PTPRN2: variants seen among roughly 807,000 people sequenced by gnomAD.
PTPRN2 encodes protein tyrosine phosphatase receptor type N2.
A neutral mutation model predicts 118.8 loss-of-function variants in PTPRN2; 74 were observed. The ratio of observed to expected loss-of-function variants is 0.62; its 90% CI spans 0.52 to 0.76. The LOEUF is 0.76. PTPRN2 is among the 30% of genes least tolerant of loss of function. The pLI is 0.00. For synonymous variants in PTPRN2, 641 were observed against 608.0 expected, an observed-to-expected ratio of 1.05 and a Z score of -0.80; for missense variants, 1,481 against 1,394.4, an observed-to-expected ratio of 1.06 and a Z score of -0.99.
rs1800343015 is a variant in PTPRN2 at position 157,944,431 on chromosome 7, T to C, written c.1724-45694A>G. Among the ~76,000 whole-genome samples the C allele has an allele frequency of 6.6e-6, 1 of 152,158 alleles. No individual in the cohort carries two copies. Among genetic ancestry groups the C allele is most frequent in the Admixed American group, 6.5e-5 (1 of 15,274 alleles). On this transcript the variant is annotated intron_variant, in intron 11 of 22. Transcript: ENST00000389418. This position sits in a 1 kb window ranked among gnomAD's most constrained non-coding sequence, Gnocchi z 4.3. ...GAATTAATGTGTTAAGTGGCACAAA[T>C]ATGTGTTTATCGAGAGAAACCTAAG...
At chr7:158,313,693 G>A (rs1272277748) in intron 3 of PTPRN2, among the ~76,000 whole-genome samples, 2 of 152,220 alleles carry the variant, frequency 1.3e-5, no homozygotes, top group African/African-American at 4.8e-5. Context: ...CAGGAATGTG[G>A]ACATAGCCTG....
At chr7:158,585,970 C>A (rs1016170945) in intron 1 of PTPRN2, among the ~76,000 whole-genome samples, 10 of 152,224 alleles carry the variant, frequency 6.6e-5, no homozygotes, top group African/African-American at 2.4e-4. Context: ...TGATAGGGGG[C>A]AAGGCACCAG....
At chr7:157,540,851 C>T (rs374842867) in intron 22 of PTPRN2, 66 bp from the exon 23 acceptor site, 21 of 1,308,820 alleles carry the variant, frequency 1.6e-5, no homozygotes, top group South Asian at 3.8e-5. Flanking sequence ...GCCACAGCGT[C>T]GGCTCCCTGC....
At chr7:158,134,501 G>A (rs6960916) in intron 8 of PTPRN2, among the ~76,000 whole-genome samples, 50,230 of 151,942 alleles carry the variant, frequency 0.33, 8,509 homozygotes, top group East Asian at 0.5. Flanking sequence ...GCACACAAAG[G>A]CACTGTACTA....
At chr7:158,465,573 G>A (rs995145622) in intron 2 of PTPRN2, among the ~76,000 whole-genome samples, 24 of 152,144 alleles carry the variant, frequency 1.6e-4, no homozygotes, top group African/African-American at 3.6e-4. Context: ...CTACAAAGAA[G>A]GCATTATTGC....
chr7:158,214,307 G>T (rs890279775), intron 3 of PTPRN2, among the ~76,000 whole-genome samples: 1 of 151,786 alleles, frequency 6.6e-6, no homozygotes. Flanking sequence ...AGCAGAGAAG[G>T]ACATGGTGGT....
chr7:158,506,125 G>A (rs1822729137), intron 1 of PTPRN2, among the ~76,000 whole-genome samples: 1 of 152,220 alleles, frequency 6.6e-6, no homozygotes, highest in Admixed American at 6.5e-5. Context: ...TGTGCAGCTG[G>A]GAGAGGGCGA....
intron 12 of PTPRN2, among the ~76,000 whole-genome samples, chr7:157,713,901 G>A (rs922641076): frequency 6.6e-6 from 1 of 152,184 alleles, no homozygotes; most frequent in Non-Finnish European, 1.5e-5. Flanking sequence ...TGCAGAGCAC[G>A]CCTCGCTCCC....
intron 2 of PTPRN2, among the ~76,000 whole-genome samples, chr7:158,418,015 G>A (rs986968379): frequency 1.3e-5 from 2 of 150,094 alleles, no homozygotes; most frequent in African/African-American, 5.0e-5. Context: ...ACATCGAGAT[G>A]CTCTAGCTCT....
At chr7:158,440,817 A>ATGGGGGTG (rs1816966797) in intron 2 of PTPRN2, among the ~76,000 whole-genome samples, 1 of 28,878 alleles carries the variant, frequency 3.5e-5, no homozygotes, top group Non-Finnish European at 8.0e-5. Context: ...TGGTGGTAGT[A>ATGGGGGTG]GTAGTGGTGG....
intron 11 of PTPRN2, among the ~76,000 whole-genome samples, chr7:158,016,438 T>C (rs73169763): frequency 0.049 from 7,446 of 152,244 alleles, 243 homozygotes; most frequent in Admixed American, 0.083. Context: ...CTCAGGGGCC[T>C]CCCTGTCCGA....
In PTPRN2 at chr7:157,805,318, C is replaced by T. The variant is rs3222233; in HGVS notation, c.1788+93355G>A. ...GTGTGTGTGTGTGTGTGTGTGTGTG[C>T]GTGTGCAAATACATCATCAACTGAA... On this transcript the variant is annotated intron_variant, in intron 12 of 22. Coordinates refer to ENST00000389418, the MANE Select transcript of PTPRN2 (RefSeq NM_002847.5). 0.013 allele frequency among the ~76,000 whole-genome samples: 1,369 copies of T among 101,408 alleles called. 44 individuals are homozygous for T. In the South Asian group the frequency reaches 0.18, roughly 13 times the overall value. The allele number at this position is 101,408 out of a possible 152,430, so 66.5% of individuals were successfully genotyped here.
chr7:158,238,377 C>T (rs1446392768), intron 3 of PTPRN2, among the ~76,000 whole-genome samples: 2 of 152,004 alleles, frequency 1.3e-5, no homozygotes, highest in African/African-American at 2.4e-5. Context: ...GTGTGGGTGG[C>T]ACCAAAAGCA....
rs753978377 is a variant in PTPRN2, at chr7:157,610,270, C to T, written c.2345-6195G>A. Among the ~76,000 whole-genome samples, 165 of 152,212 alleles carry T rather than the reference C, an allele frequency of 1.1e-3. No individual in the cohort carries two copies. The highest frequency in any genetic ancestry group is 1.9e-3 in the Non-Finnish European group (131 of 68,016). On this transcript the variant is annotated intron_variant, in intron 15 of 22. Transcript: ENST00000389418. This position sits in a 1 kb window ranked among gnomAD's most constrained non-coding sequence, Gnocchi z 5.1. ...CTCCTCCCAGGGGCCTCACGGAACT[C>T]GGCAATGGGGTTCCTTCCACTCAGG...
chr7:158,434,186 T>C (rs1816418280), intron 2 of PTPRN2, among the ~76,000 whole-genome samples: 1 of 152,240 alleles, frequency 6.6e-6, no homozygotes. Flanking sequence ...ATAGTTGCAG[T>C]GTGTCCATTA....
At chr7:158,071,384 C>CGTGGTGGAGGTGCTCATG (rs1811551224) in intron 11 of PTPRN2, among the ~76,000 whole-genome samples, 1 of 27,966 alleles carries the variant, frequency 3.6e-5, no homozygotes, top group African/African-American at 1.6e-4. Context: ...TGGAGGTGCT[C>CGTGGTGGAGGTGCTCATG]GTGGTGGAGG....
chr7:158,353,642 A>T (rs1470341844), intron 2 of PTPRN2, among the ~76,000 whole-genome samples: 1 of 152,178 alleles, frequency 6.6e-6, no homozygotes, highest in East Asian at 1.9e-4. Flanking sequence ...AGAGGTGAGG[A>T]TGAGTCAGGT....
chr7:157,568,705 G>A (rs1304151258), intron 21 of PTPRN2, among the ~76,000 whole-genome samples, 197 bp downstream of exon 21: 3 of 151,794 alleles, frequency 2.0e-5, no homozygotes, highest in African/African-American at 4.8e-5. Flanking sequence ...CTGCAGGCTC[G>A]GCACGCAGAG....
chr7:157,572,933 G>A (rs1799832848), intron 19 of PTPRN2, among the ~76,000 whole-genome samples: 1 of 152,268 alleles, frequency 6.6e-6, no homozygotes, highest in African/African-American at 2.4e-5. Flanking sequence ...ACAGTGGTGC[G>A]AAGGCTTTGG....
Sources: allele counts gnomAD v4.1 joint callset (sites outside exome capture counted in the v4.1 genomes callset), GRCh38; gene constraint gnomAD v4.1.1; non-coding constraint Gnocchi (gnomAD v3.1); transcripts MANE v1.5; gene names NCBI Gene and HGNC (gene_info 2026-07-23, HGNC 2026-07-21).